ADAMTSL1: variants seen among roughly 807,000 people sequenced by gnomAD.
ADAMTSL1 encodes ADAMTS like 1.
A neutral mutation model predicts 201.8 loss-of-function variants in ADAMTSL1; 126 were observed. The observed-to-expected ratio is 0.62, with a 90% CI of 0.54 to 0.72. The LOEUF (loss-of-function observed/expected upper bound fraction) is 0.72, where lower values mean the gene tolerates loss of function less well. Ranked by LOEUF, ADAMTSL1 falls within the 30% of genes least tolerant of loss-of-function variation. The pLI is 0.00. For missense variants in ADAMTSL1, 2,679 were observed against 2,277.8 expected (o/e 1.18, Z -3.59); for synonymous variants, 1,121 against 903.4 (o/e 1.24, Z -4.32).
intron 1 of ADAMTSL1, among the ~76,000 whole-genome samples, chr9:18,155,439 T>G (rs1312069743): frequency 6.6e-6 from 1 of 152,076 alleles, no homozygotes; most frequent in African/African-American, 2.4e-5. Flanking sequence ...GATCATTACT[T>G]CAAAACACTG....
intron 7 of ADAMTSL1, among the ~76,000 whole-genome samples, chr9:18,653,058 C>G (rs1263582252): frequency 6.6e-6 from 1 of 152,184 alleles, no homozygotes; most frequent in African/African-American, 2.4e-5. Context: ...CCAATATGCC[C>G]CTTTTGCTGA....
At chr9:18,142,310 A>G (rs1240776072) in intron 1 of ADAMTSL1, among the ~76,000 whole-genome samples, 8 of 152,192 alleles carry the variant, frequency 5.3e-5, no homozygotes, top group East Asian at 1.9e-4. Context: ...CTCACTTGCT[A>G]TTTCTTCAAG....
chr9:17,926,285 C>T (rs943205245), intron 1 of ADAMTSL1, among the ~76,000 whole-genome samples: 5 of 152,104 alleles, frequency 3.3e-5, no homozygotes, highest in Admixed American at 6.5e-5. Flanking sequence ...TTCTCAGTTT[C>T]GAATGCTAAT....
intron 10 of ADAMTSL1, among the ~76,000 whole-genome samples, chr9:18,677,032 C>A (rs1830169126): frequency 6.6e-6 from 1 of 151,888 alleles, no homozygotes; most frequent in African/African-American, 2.4e-5. Flanking sequence ...TATGTATTCA[C>A]ACATGTATAT....
chr9:18,063,181 A>G (rs549409351), intron 1 of ADAMTSL1, among the ~76,000 whole-genome samples: 13 of 152,264 alleles, frequency 8.5e-5, no homozygotes, highest in Admixed American at 1.3e-4. Flanking sequence ...TCTCTCTTAA[A>G]AAAACGTTTT....
intron 2 of ADAMTSL1, among the ~76,000 whole-genome samples, chr9:18,194,221 G>T (rs1406317033): frequency 6.6e-6 from 1 of 152,054 alleles, no homozygotes; most frequent in Non-Finnish European, 1.5e-5. Context: ...GGAGAAAAAA[G>T]CATATTAAAC....
At chr9:18,128,648 C>T (rs760979522) in intron 1 of ADAMTSL1, among the ~76,000 whole-genome samples, 31 of 152,198 alleles carry the variant, frequency 2.0e-4, no homozygotes, top group African/African-American at 6.7e-4. Context: ...CATGAATCCC[C>T]GTCTCTAATG....
intron 1 of ADAMTSL1, among the ~76,000 whole-genome samples, chr9:17,998,536 G>A (rs996400940): frequency 3.9e-5 from 6 of 151,962 alleles, no homozygotes; most frequent in Admixed American, 3.9e-4. Context: ...AAGAAGAGAA[G>A]GAAGTCTATA....
intron 2 of ADAMTSL1, among the ~76,000 whole-genome samples, chr9:18,428,124 A>T (rs889911312): frequency 6.6e-6 from 1 of 152,216 alleles, no homozygotes; most frequent in Non-Finnish European, 1.5e-5. Flanking sequence ...ATTTTGGATC[A>T]TTATATAATT....
chr9:18,806,723 A>G (rs958560447), intron 20 of ADAMTSL1, among the ~76,000 whole-genome samples: 5 of 152,230 alleles, frequency 3.3e-5, no homozygotes, highest in Non-Finnish European at 7.3e-5. Context: ...ACTATGTGCA[A>G]GAATGGATTT....
chr9:18,479,102 A>T (rs908456148), intron 1 of ADAMTSL1, among the ~76,000 whole-genome samples: 2 of 152,080 alleles, frequency 1.3e-5, no homozygotes, highest in Non-Finnish European at 2.9e-5. Flanking sequence ...GTTGCTATCA[A>T]CCCCTTCTTT....
At chr9:18,587,534 C>T (rs1202569141) in intron 4 of ADAMTSL1, among the ~76,000 whole-genome samples, 1 of 152,120 alleles carries the variant, frequency 6.6e-6, no homozygotes, top group African/African-American at 2.4e-5. Flanking sequence ...TATACAATAA[C>T]TTATTGTCAC....
At chr9:18,273,483 AT>A (rs1467961925) in intron 2 of ADAMTSL1, among the ~76,000 whole-genome samples, 3 of 152,314 alleles carry the variant, frequency 2.0e-5, no homozygotes, top group Non-Finnish European at 2.9e-5. Flanking sequence ...TAAGACTTTT[AT>A]TTGTAAGCAG....
chr9:18,246,986 G>C (rs958911014), intron 2 of ADAMTSL1, among the ~76,000 whole-genome samples: 7 of 152,128 alleles, frequency 4.6e-5, no homozygotes, highest in Admixed American at 3.9e-4. Flanking sequence ...CTGGGCTTCA[G>C]AAAAGTTCAT....
intron 2 of ADAMTSL1, among the ~76,000 whole-genome samples, chr9:18,325,600 G>C (rs1014321913): frequency 6.6e-6 from 1 of 152,204 alleles, no homozygotes; most frequent in African/African-American, 2.4e-5. Flanking sequence ...ATTTCTCACA[G>C]TTCTGGAGGC....
rs76362210 is a variant in ADAMTSL1 at position 18,432,351 on chromosome 9, G to A, written c.208-72478G>A. Among the ~76,000 whole-genome samples the A allele has an allele frequency of 6.2e-3, 937 of 152,316 alleles. 7 individuals are homozygous for A. The highest frequency in any genetic ancestry group is 0.021 in the African/African-American group (871 of 41,572). ...TCAATAAATGTTTGTTGAGTTAAAT[G>A]TATAGGTTTTCACCATGTATGAATC... On this transcript the variant is annotated intron_variant, in intron 2 of 29. Transcript: ENST00000680146.
chr9:18,212,429 G>A (rs1425664068), intron 2 of ADAMTSL1, among the ~76,000 whole-genome samples: 1 of 152,136 alleles, frequency 6.6e-6, no homozygotes, highest in East Asian at 1.9e-4. Context: ...TGACTAGTTT[G>A]ATTTGACCAA....
rs1025124717 is a variant in ADAMTSL1, at chr9:18,493,338, T to C, written c.64-11491T>C. 2.0e-5 allele frequency among the ~76,000 whole-genome samples: 3 copies of C among 152,254 alleles called. No homozygotes were observed. In the East Asian group the frequency reaches 5.8e-4, roughly 29 times the overall value. On this transcript the variant is annotated intron_variant, in intron 1 of 28. Transcript: ENST00000380548. ...TAATTTTTACACTCATTAAAAATGA[T>C]TTAATAAGTATTCTTTACTTCTTTT... is the stretch of plus-strand genomic sequence containing the variant.
intron 1 of ADAMTSL1, among the ~76,000 whole-genome samples, chr9:17,931,973 G>T (rs1373516858): frequency 6.6e-6 from 1 of 152,200 alleles, no homozygotes; most frequent in Non-Finnish European, 1.5e-5. Context: ...CCGCAATGTA[G>T]AGGCTGTGTG....
Sources: allele counts gnomAD v4.1 joint callset (sites outside exome capture counted in the v4.1 genomes callset), GRCh38; gene constraint gnomAD v4.1.1; transcripts MANE v1.5; gene names NCBI Gene and HGNC (gene_info 2026-07-23, HGNC 2026-07-21).